NFIB: variants seen among roughly 807,000 people sequenced by gnomAD.
NFIB encodes the protein nuclear factor 1 B-type.
Under a neutral mutation model 61.5 loss-of-function variants are expected in NFIB, and 11 were observed. The ratio of observed to expected loss-of-function variants is 0.18; its 90% confidence interval spans 0.11 to 0.30. The LOEUF is 0.30. NFIB is among the 10% of genes least tolerant of loss of function. NFIB has a pLI of 1.00. For missense variants in NFIB, 471 were observed against 608.9 expected (o/e 0.77, Z 2.38); for synonymous variants, 260 against 216.5 (o/e 1.20, Z -1.76).
At position 14,234,666 on chromosome 9, in the gene NFIB, C is replaced by CTT. The variant is rs58449298; in HGVS notation, c.563-54888_563-54887dup. Reference sequence around the variant, plus strand: ...TGTGAGCCACTGCACTTGGTCTACTCTTTTTTTTAACATTTTGTTAGTTAT... The same window carrying CTT: ...TGTGAGCCACTGCACTTGGTCTACTCTTTTTTTTTTAACATTTTGTTAGTTAT... On this transcript the variant is annotated intron_variant, in intron 2 of 10. Transcript: ENST00000380953. Among the ~76,000 whole-genome samples the CTT allele has an allele frequency of 6.6e-3, 999 of 151,572 alleles. 4 individuals carry two copies. Among genetic ancestry groups the CTT allele is most frequent in the African/African-American group, 0.015 (616 of 41,294 alleles).
chr9:14,089,334 A>C (rs1400347070), intron 10 of NFIB, among the ~76,000 whole-genome samples: 1 of 150,982 alleles, frequency 6.6e-6, no homozygotes, highest in Non-Finnish European at 1.5e-5. Flanking sequence ...TCATCAGTTC[A>C]ACTTTCGCCT....
chr9:14,488,622 T>C, the NFIB span, among the ~76,000 whole-genome samples: 1 of 152,190 alleles, frequency 6.6e-6, no homozygotes, highest in Non-Finnish European at 1.5e-5. Context: ...GGGGAATGTG[T>C]ACCTCTAGGT....
At chr9:14,159,392 G>C (rs1381771941) in intron 3 of NFIB, among the ~76,000 whole-genome samples, 1 of 152,108 alleles carries the variant, frequency 6.6e-6, no homozygotes, top group Non-Finnish European at 1.5e-5. Flanking sequence ...AAAAACCACA[G>C]AGGTCCCACT....
the NFIB span, among the ~76,000 whole-genome samples, chr9:14,479,708 TA>T: frequency 6.6e-6 from 1 of 152,250 alleles, no homozygotes; most frequent in African/African-American, 2.4e-5. Flanking sequence ...AGGCTTCGCA[TA>T]CCTTCCAAGT....
chr9:14,321,969 AG>A, intron 1 of NFIB: 1 of 1,231,406 alleles, frequency 8.1e-7, no homozygotes. Context: ...TAAATAAAAG[AG>A]ATCTTGAGTC....
intron 2 of NFIB, among the ~76,000 whole-genome samples, chr9:14,190,231 T>G (rs2047797314): frequency 6.6e-6 from 1 of 152,180 alleles, no homozygotes; most frequent in African/African-American, 2.4e-5. Flanking sequence ...TATTATTAAA[T>G]TATGGCTCTT....
chr9:14,510,350 A>C, the NFIB span, among the ~76,000 whole-genome samples: 2 of 152,232 alleles, frequency 1.3e-5, no homozygotes, highest in Non-Finnish European at 1.5e-5. Context: ...AGAAAAGCTT[A>C]AGAAGGTACC....
At chr9:14,404,820 G>T in the NFIB span, among the ~76,000 whole-genome samples, 3 of 152,174 alleles carry the variant, frequency 2.0e-5, no homozygotes, top group Non-Finnish European at 4.4e-5. Flanking sequence ...GCAACATAAT[G>T]ACAGTATCTT....
intron 2 of NFIB, among the ~76,000 whole-genome samples, chr9:14,212,458 C>A (rs2050412273): frequency 6.6e-6 from 1 of 152,008 alleles, no homozygotes; most frequent in African/African-American, 2.4e-5. Flanking sequence ...TTAAGTATCC[C>A]TACTAAAAAT....
At chr9:14,212,792 T>A (rs547267270) in intron 2 of NFIB, among the ~76,000 whole-genome samples, 1 of 152,352 alleles carries the variant, frequency 6.6e-6, no homozygotes, top group South Asian at 2.1e-4. Context: ...CAAAACACTT[T>A]CACATAAGCC....
At chr9:14,424,124 C>T in the NFIB span, among the ~76,000 whole-genome samples, 2 of 152,208 alleles carry the variant, frequency 1.3e-5, no homozygotes, top group Admixed American at 6.5e-5. Flanking sequence ...CTCATAACAC[C>T]GATGCCATGA....
intron 1 of NFIB, among the ~76,000 whole-genome samples, chr9:14,371,263 G>A (rs1361632495): frequency 2.6e-5 from 4 of 152,120 alleles, no homozygotes; most frequent in African/African-American, 9.7e-5. Flanking sequence ...TGTTAGCTTT[G>A]GACATGAGGT....
intron 1 of NFIB, among the ~76,000 whole-genome samples, chr9:14,332,194 G>A (rs150139254): frequency 0.014 from 2,066 of 151,962 alleles, 46 homozygotes; most frequent in East Asian, 0.086. Flanking sequence ...CTAACTGGGC[G>A]TCGTGGTGGG....
chr9:14,190,067 A>C (rs2047781059), intron 2 of NFIB, among the ~76,000 whole-genome samples: 1 of 152,072 alleles, frequency 6.6e-6, no homozygotes, highest in Admixed American at 6.6e-5. Context: ...TTTAAATTGG[A>C]TACAGATTTC....
At chr9:14,514,812 A>T in the NFIB span, among the ~76,000 whole-genome samples, 1 of 152,120 alleles carries the variant, frequency 6.6e-6, no homozygotes, top group Non-Finnish European at 1.5e-5. Context: ...AAAATATACC[A>T]ATGCGTGGGT....
intron 2 of NFIB, among the ~76,000 whole-genome samples, chr9:14,235,755 G>C (rs925527942): frequency 6.6e-6 from 1 of 152,112 alleles, no homozygotes; most frequent in African/African-American, 2.4e-5. Flanking sequence ...AGCATCACTA[G>C]GACCTGATAT....
intron 1 of NFIB, among the ~76,000 whole-genome samples, chr9:14,395,675 C>T (rs542213308): frequency 2.7e-5 from 4 of 149,252 alleles, no homozygotes; most frequent in African/African-American, 4.9e-5. Flanking sequence ...AATTTTACCT[C>T]GTAAAAAATT....
At chr9:14,140,699 C>T (rs755331822) in intron 6 of NFIB, among the ~76,000 whole-genome samples, 3 of 151,916 alleles carry the variant, frequency 2.0e-5, no homozygotes, top group Non-Finnish European at 2.9e-5. Flanking sequence ...TTTGGGAGGC[C>T]CAGGTAGGAG....
At chr9:14,330,327 T>C (rs2060806087) in intron 1 of NFIB, among the ~76,000 whole-genome samples, 1 of 152,178 alleles carries the variant, frequency 6.6e-6, no homozygotes, top group African/African-American at 2.4e-5. Context: ...AAGACCCTAG[T>C]AGAGAATCAT....
Sources: allele counts gnomAD v4.1 joint callset (sites outside exome capture counted in the v4.1 genomes callset), GRCh38; gene constraint gnomAD v4.1.1; transcripts MANE v1.5; gene names NCBI Gene and HGNC (gene_info 2026-07-23, HGNC 2026-07-21).